Variants in CATSPERD observed in about 807,000 individuals in gnomAD.
The protein encoded by CATSPERD is cation channel sperm-associated auxiliary subunit delta.
A neutral mutation model predicts 98.1 loss-of-function variants in CATSPERD; 86 were observed. The observed-to-expected ratio is 0.88, with a 90% confidence interval of 0.74 to 1.05. The LOEUF (loss-of-function observed/expected upper bound fraction) is 1.05, where lower values mean the gene tolerates loss of function less well. CATSPERD is among the 50% of genes least tolerant of loss of function. The pLI is 0.00. For synonymous variants in CATSPERD, 394 were observed against 390.2 expected, an observed-to-expected ratio of 1.01 and a Z score of -0.12; for missense variants, 995 against 1,005.7, an observed-to-expected ratio of 0.99 and a Z score of 0.14.
chr19:5,727,393 T>C, intron 3 of CATSPERD, 49 bp downstream of exon 3: 2 of 1,299,608 alleles, frequency 1.5e-6, no homozygotes, highest in Non-Finnish European at 2.2e-6. Flanking sequence ...ATTAAATCTT[T>C]AGATTTGCCC....
At position 5,720,782 on chromosome 19, in the gene CATSPERD, A is replaced by G; in HGVS notation, c.45A>G (p.Arg15=). 6.2e-7 allele frequency: 1 copy of G among 1,600,792 alleles called. No individual in the cohort carries two copies. The highest frequency in any genetic ancestry group is 8.5e-7 in the Non-Finnish European group (1 of 1,178,926). Residue 15 remains arginine (R), a synonymous_variant, in exon 1 of 22, where the codon CGA becomes CGG. Coordinates refer to ENST00000381624, the MANE Select transcript of CATSPERD (RefSeq NM_152784.4). ...MLVAAVTMWL[R]PLVTAQLCRS... ...TGGCGGCTGTGACCATGTGGCTCCG[A>G]CCGCTGGTCACAGCTCAGCTCTGTC...
At chr19:5,775,472 C>T (rs942082512) in intron 20 of CATSPERD, among the ~76,000 whole-genome samples, 12 of 124,566 alleles carry the variant, frequency 9.6e-5, no homozygotes, top group African/African-American at 4.1e-4. Flanking sequence ...CCCATCTCTA[C>T]TAAAAATACA....
At chr19:5,767,701 A>G (rs892525584) in intron 17 of CATSPERD, among the ~76,000 whole-genome samples, 1 of 150,364 alleles carries the variant, frequency 6.7e-6, no homozygotes, top group South Asian at 2.1e-4. Flanking sequence ...GTTAGCCAGG[A>G]TGGCCTCGGC....
chr19:5,776,711 T>A (rs763665501), intron 21 of CATSPERD, among the ~76,000 whole-genome samples: 23 of 151,968 alleles, frequency 1.5e-4, no homozygotes, highest in Non-Finnish European at 3.1e-4. Flanking sequence ...CCGTCTCTAC[T>A]GAAAATACAA....
intron 8 of CATSPERD, among the ~76,000 whole-genome samples, chr19:5,745,552 T>C (rs989044817): frequency 2.0e-5 from 3 of 151,910 alleles, no homozygotes; most frequent in Non-Finnish European, 4.4e-5. Context: ...ACCTGGGAGA[T>C]GGAGGTGGCA....
chr19:5,759,260 C>A, intron 15 of CATSPERD, 116 bp downstream of exon 15: 1 of 967,026 alleles, frequency 1.0e-6, no homozygotes, highest in South Asian at 1.3e-5. Flanking sequence ...TAAAACAAGG[C>A]GATTACAACA....
intron 1 of CATSPERD, among the ~76,000 whole-genome samples, chr19:5,723,196 AAAAAG>A (rs1445457893): frequency 2.1e-3 from 313 of 150,512 alleles, no homozygotes; most frequent in Middle Eastern, 0.01. Flanking sequence ...CAAAAAAAAA[AAAAAG>A]AAAAAGAAAA....
At chr19:5,749,331 A>C (rs536573222) in intron 11 of CATSPERD, 148 bp downstream of exon 11, 1 of 438,152 alleles carries the variant, frequency 2.3e-6, no homozygotes, top group South Asian at 2.7e-5. Context: ...GTCTCTACTA[A>C]AAATACAAAA....
Position 5,746,026 on chromosome 19 carries a change from A to T in CATSPERD, c.771A>T (p.Leu257=). The change falls in exon 9 of 22, where the codon CTA becomes CTT. Residue 257 remains leucine (L), a synonymous_variant. Transcript: ENST00000381624. The part of the protein sequence containing the change: ...IAPGQRGILL[L]WFENSLLFSH... ...CCGGCCAGAGAGGCATCCTGCTCCT[A>T]TGGTTTGAGAACAGCCTGTTGTTTT... 1 of 1,614,064 alleles carries T rather than the reference A, an allele frequency of 6.2e-7. No individual in the cohort carries two copies.
At chr19:5,758,142 G>T (rs145412380) in intron 14 of CATSPERD, among the ~76,000 whole-genome samples, 1 of 152,232 alleles carries the variant, frequency 6.6e-6, no homozygotes, top group Admixed American at 6.6e-5. Context: ...TGACAGGGAG[G>T]AGCCTAACCC....
Position 5,745,301 on chromosome 19 carries a change from T to C in CATSPERD, c.658-612T>C, listed in dbSNP as rs953582872. Among the ~76,000 whole-genome samples the C allele has an allele frequency of 2.6e-5, 4 of 152,182 alleles. No homozygotes were observed. The South Asian group carries it at 6.2e-4, about 24-fold the overall frequency. On this transcript the variant is annotated intron_variant, in intron 8 of 21. Coordinates refer to ENST00000381624, the MANE Select transcript of CATSPERD (RefSeq NM_152784.4). ...CAATATAAACAACTCATGGATGAGA[T>C]AGTTTACATTTTTCTGTACTACATC...
chr19:5,746,868 G>C (rs2056105128), intron 9 of CATSPERD, among the ~76,000 whole-genome samples: 1 of 151,498 alleles, frequency 6.6e-6, no homozygotes. Flanking sequence ...GCCGAGTCCT[G>C]ATTGTACTTC....
At chr19:5,771,205 T>C (rs2056638010) in intron 19 of CATSPERD, 133 bp downstream of exon 19, 1 of 1,046,446 alleles carries the variant, frequency 9.6e-7, no homozygotes, top group Non-Finnish European at 1.4e-6. Flanking sequence ...TTTCCCACCG[T>C]GCTCCTGCCC....
intron 5 of CATSPERD, among the ~76,000 whole-genome samples, chr19:5,736,751 ATAAG>A (rs1223119117): frequency 2.0e-5 from 3 of 151,286 alleles, no homozygotes; most frequent in East Asian, 3.9e-4. Context: ...AAATAAATAA[ATAAG>A]TAAATAAATA....
At chr19:5,741,867 T>C (rs1459801046) in intron 7 of CATSPERD, among the ~76,000 whole-genome samples, 1 of 137,664 alleles carries the variant, frequency 7.3e-6, no homozygotes, top group East Asian at 2.1e-4. Context: ...CCGTCTCTAC[T>C]GAAAAATGCA....
chr19:5,724,600 G>A (rs563897284), intron 1 of CATSPERD, among the ~76,000 whole-genome samples: 6 of 152,200 alleles, frequency 3.9e-5, no homozygotes, highest in Non-Finnish European at 8.8e-5. Context: ...TCTGGCGGCT[G>A]AGGCAGGAGA....
At chr19:5,770,164 A>C (rs565038634) in intron 18 of CATSPERD, among the ~76,000 whole-genome samples, 1 of 151,408 alleles carries the variant, frequency 6.6e-6, no homozygotes, top group Non-Finnish European at 1.5e-5. Context: ...GCAGTGGGTC[A>C]CCCCTGTAAT....
In CATSPERD at chr19:5,740,208, G is replaced by A. The variant is rs1034628494; in HGVS notation, c.573+769G>A. On this transcript the variant is annotated intron_variant, in intron 7 of 21. Coordinates refer to ENST00000381624, the MANE Select transcript of CATSPERD (RefSeq NM_152784.4). ...AGGCAGGAGAATCGCTTGAACCCGG[G>A]AGGCAGAGGTTGCGGTGAGCCAAGA... Among the ~76,000 whole-genome samples, 5 of 151,834 alleles carry A rather than the reference G, an allele frequency of 3.3e-5. No individual in the cohort carries two copies. The East Asian group carries it at 9.7e-4, about 29-fold the overall frequency.
intron 3 of CATSPERD, among the ~76,000 whole-genome samples, chr19:5,727,546 T>C (rs2055628910): frequency 6.6e-6 from 1 of 152,120 alleles, no homozygotes; most frequent in South Asian, 2.1e-4. Flanking sequence ...AACTGCAGTA[T>C]AGTGTGGTAC....
Sources: allele counts gnomAD v4.1 joint callset (sites outside exome capture counted in the v4.1 genomes callset), GRCh38; gene constraint gnomAD v4.1.1; transcripts MANE v1.5; gene names NCBI Gene and HGNC (gene_info 2026-07-23, HGNC 2026-07-21).